TTBK1: variants seen among roughly 807,000 people sequenced by gnomAD.
TTBK1 encodes the protein tau-tubulin kinase 1.
Under a neutral mutation model 108.5 loss-of-function variants are expected in TTBK1, and 34 were observed. The observed-to-expected ratio is 0.31, with a 90% CI of 0.24 to 0.42. The LOEUF (loss-of-function observed/expected upper bound fraction) is 0.42. Ranked by LOEUF, TTBK1 falls within the 10% of genes least tolerant of loss-of-function variation. The pLI, the probability that TTBK1 is intolerant of heterozygous loss-of-function variation, is 1.00. For missense variants in TTBK1, 1,539 were observed against 1,826.0 expected (o/e 0.84, Z 2.86); for synonymous variants, 809 against 795.1 (o/e 1.02, Z -0.29).
In TTBK1 at chr6:43,263,277, C is replaced by T. The variant is rs1415537847; in HGVS notation, c.1913C>T (p.Pro638Leu). 1.3e-6 allele frequency: 2 copies of T among 1,530,346 alleles called. No homozygotes were observed. The highest frequency in any genetic ancestry group is 8.8e-7 in the Non-Finnish European group (1 of 1,136,136). The allele number at this position is 1,530,346 out of a possible 1,614,324, so 94.8% of individuals were successfully genotyped here. A position where few individuals can be genotyped will look rare whatever the true frequency, so the allele number is the denominator to read the frequency against. ...ETSQPPTPGS[P>L]SHSPLHSGPR... Reference sequence around the variant, plus strand: ...TCACAGCCCCCCACGCCTGGCAGCCCTTCCCACTCACCCCTGCACTCGGGA... The same window carrying T: ...TCACAGCCCCCCACGCCTGGCAGCCTTTCCCACTCACCCCTGCACTCGGGA... The change falls in exon 13 of 15, where the codon CCT (proline) becomes CTT (leucine). Residue 638 changes from proline (P) to leucine (L), a missense_variant. Pro to Leu is a moderately conservative substitution (Grantham distance 98). Around this residue, in one of 5 missense-constraint regions of TTBK1, gnomAD observed 1,055 missense variants for 1,086.5 expected, o/e 0.97. Transcript: ENST00000259750. This position sits in a 1 kb window ranked among gnomAD's most constrained non-coding sequence, Gnocchi z 4.7.
In TTBK1 at chr6:43,276,979, C is replaced by CCA; in HGVS notation, c.1987-5747_1987-5746dup. ...GGACTCTGGTCTCTGGGACTCAGCTCCAAATTGCCAACTTCCGGGTGGGGA... is the reference window on the plus strand; with the variant it reads ...GGACTCTGGTCTCTGGGACTCAGCTCCACAAATTGCCAACTTCCGGGTGGGGA... On this transcript the variant is annotated intron_variant, in intron 13 of 14. Transcript: ENST00000259750. This position sits in a 1 kb window ranked among gnomAD's most constrained non-coding sequence, Gnocchi z 5.4. Among the ~76,000 whole-genome samples the CCA allele has an allele frequency of 6.6e-6, 1 of 152,292 alleles. No individual in the cohort carries two copies. Among genetic ancestry groups the CCA allele is most frequent in the East Asian group, 1.9e-4 (1 of 5,180 alleles).
Position 43,269,583 on chromosome 6 carries a change from C to T in TTBK1, c.1986+6233C>T. On this transcript the variant is annotated intron_variant, in intron 13 of 14. Coordinates refer to ENST00000259750, the MANE Select transcript of TTBK1 (RefSeq NM_032538.3). The surrounding 1 kb of genome is among the most constrained non-coding windows in gnomAD (Gnocchi z 4.8). ...TGTGAGCGGTGGGTGGCCCCGGAGA[C>T]GGAGCTGTCGAGTCTGTGCCTGACA... The T allele has an allele frequency of 6.6e-7, 1 of 1,506,374 alleles. No homozygotes were observed. The highest frequency in any genetic ancestry group is 8.9e-7 in the Non-Finnish European group (1 of 1,124,828). 93.3% of individuals were successfully genotyped at this position (1,506,374 alleles called of 1,614,324 possible).
Position 43,283,023 on chromosome 6 carries a change from A to G in TTBK1, c.2283A>G (p.Glu761=), listed in dbSNP as rs149959476. The G allele has an allele frequency of 1.9e-5, 31 of 1,591,646 alleles. No individual in the cohort carries two copies. In the South Asian group the frequency reaches 2.4e-4, roughly 12 times the overall value. Residue 761 remains glutamate (E), a synonymous_variant, in exon 14 of 15, where the codon GAA becomes GAG. Coordinates refer to ENST00000259750, the MANE Select transcript of TTBK1 (RefSeq NM_032538.3). The surrounding 1 kb of genome is among the most constrained non-coding windows in gnomAD (Gnocchi z 8.1). ...AGGAGGAAGAGGAAGAGGAGGAGGA[A>G]GAAGAGGAGGAGGAGGAAGAGGAGG... is the stretch of plus-strand genomic sequence containing the variant. The part of the protein sequence containing the change: ...EEEEEEEEEE[E]EEEEEEEEEE...
At position 43,252,723 on chromosome 6, in the gene TTBK1, C is replaced by T. The variant is rs376755582; in HGVS notation, c.109-16C>T. The T allele has an allele frequency of 2.5e-6, 4 of 1,613,556 alleles. No homozygotes were observed. In the African/African-American group the frequency reaches 5.3e-5, roughly 22 times the overall value. On this transcript the variant is annotated splice_polypyrimidine_tract_variant and intron_variant, in intron 2 of 14. Transcript: ENST00000259750. ...AGCCTGATCCCTGAGCACCCCCTAT[C>T]CCCTCATCTTCATAGCTGAAAAAGA...
chr6:43,284,976 C>A lies in TTBK1; in HGVS notation c.3573-7C>A. ...CTTCTTTTCTCCTGCCTTCTGCTCT[C>A]AAGCAGGCTCCAGCTGCAGACGCCC... On this transcript the variant is annotated splice_region_variant and splice_polypyrimidine_tract_variant and intron_variant, in intron 14 of 14. Transcript: ENST00000259750. 1 of 1,512,336 alleles carries A rather than the reference C, an allele frequency of 6.6e-7. No homozygotes were observed. The highest frequency in any genetic ancestry group is 1.4e-5 in the African/African-American group (1 of 69,918). 93.7% of individuals were successfully genotyped at this position (1,512,336 alleles called of 1,614,324 possible).
chr6:43,275,962 C>T (rs1375983721), intron 13 of TTBK1, among the ~76,000 whole-genome samples: 1 of 152,176 alleles, frequency 6.6e-6, no homozygotes, highest in Non-Finnish European at 1.5e-5. Flanking sequence ...GCCCCTGCCC[C>T]CGGAGAAGCG....
chr6:43,279,656 G>A (rs565995797), intron 13 of TTBK1, among the ~76,000 whole-genome samples: 2 of 152,354 alleles, frequency 1.3e-5, no homozygotes, highest in South Asian at 2.1e-4. Context: ...TTGGTGCTTA[G>A]TGTTTGCTAA....
Position 43,263,088 on chromosome 6 carries a change from G to C in TTBK1, c.1724G>C (p.Arg575Pro), listed in dbSNP as rs1298786556. The change falls in exon 13 of 15, where the codon CGG becomes CCG. Residue 575 changes from arginine (R) to proline (P), a missense_variant. Arg to Pro is a moderately radical substitution (Grantham distance 103). Transcript: ENST00000259750. The surrounding 1 kb of genome is among the most constrained non-coding windows in gnomAD (Gnocchi z 4.7). ...ACGGATGAGGAGCCCGAGGAGCTGC[G>C]GCCACTGCCCGAGGAGGGCGAAGAG... is the stretch of plus-strand genomic sequence containing the variant. ...GTTDEEPEEL[R>P]PLPEEGEERR... 1 of 1,572,000 alleles carries C rather than the reference G, an allele frequency of 6.4e-7. No individual in the cohort carries two copies. The highest frequency in any genetic ancestry group is 1.9e-5 in the Admixed American group (1 of 52,966).
intron 2 of TTBK1, among the ~76,000 whole-genome samples, chr6:43,249,263 G>A (rs1290805186): frequency 6.6e-6 from 1 of 152,034 alleles, no homozygotes; most frequent in East Asian, 1.9e-4. Flanking sequence ...CAAGAAACCA[G>A]GTCTCCTTCC....
chr6:43,252,707 C>T (rs1466814644), intron 2 of TTBK1, 32 bp from the exon 3 acceptor site: 2 of 1,612,718 alleles, frequency 1.2e-6, no homozygotes, highest in South Asian at 2.2e-5. Context: ...CAGCCTGATC[C>T]CTGAGCACCC....
rs777839405 is a variant in TTBK1 at position 43,283,352 on chromosome 6, G to A, written c.2612G>A (p.Arg871Gln). ...TLAALTPQHERPQPTGSQLDV... is the reference protein window; with the variant it reads ...TLAALTPQHEQPQPTGSQLDV... ...GCTGCCCTCACTCCTCAGCATGAGCGGCCCCAGCCCACGGGCAGCCAGCTG... is the reference window on the plus strand; with the variant it reads ...GCTGCCCTCACTCCTCAGCATGAGCAGCCCCAGCCCACGGGCAGCCAGCTG... The change falls in exon 14 of 15, where the codon CGG (arginine) becomes CAG (glutamine). Residue 871 changes from arginine to glutamine, a missense_variant. Physicochemically the swap from Arg to Gln is conservative, Grantham distance 43. This residue lies in a region of TTBK1 where 1,055 missense variants were observed against 1,086.5 expected (regional missense o/e 0.97). Coordinates refer to ENST00000259750, the MANE Select transcript of TTBK1 (RefSeq NM_032538.3). This position sits in a 1 kb window ranked among gnomAD's most constrained non-coding sequence, Gnocchi z 8.1. 5.6e-6 allele frequency: 9 copies of A among 1,593,386 alleles called. No homozygotes were observed. The highest frequency in any genetic ancestry group is 4.6e-5 in the East Asian group (2 of 43,636).
At chr6:43,284,369 G>GGAGGGGCTTCTCCAGAAACAAGGT in intron 14 of TTBK1, 57 bp downstream of exon 14, 1 of 1,479,750 alleles carries the variant, frequency 6.8e-7, no homozygotes, top group Non-Finnish European at 8.9e-7. Flanking sequence ...GCCTCCACCA[G>GGAGGGGCTTCTCCAGAAACAAGGT]GAGGGGCTTC....
chr6:43,258,124 C>T (rs760503235), intron 10 of TTBK1, among the ~76,000 whole-genome samples, 158 bp downstream of exon 10: 3 of 152,150 alleles, frequency 2.0e-5, no homozygotes, highest in Non-Finnish European at 2.9e-5. Flanking sequence ...GCCACATCTC[C>T]ACCCTCAATC....
Position 43,261,568 on chromosome 6 carries a change from A to G in TTBK1, c.1425-1221A>G, listed in dbSNP as rs147362933. ...AGTGGCTCGCGTCTGTAATCCCAGC[A>G]CTTTGGGAGGCCAAGGTGGGTGGAT... On this transcript the variant is annotated intron_variant, in intron 12 of 14. Transcript: ENST00000259750. 6.4e-3 allele frequency among the ~76,000 whole-genome samples: 982 copies of G among 152,264 alleles called. 9 individuals are homozygous for G. The highest frequency in any genetic ancestry group is 0.022 in the African/African-American group (931 of 41,552).
chr6:43,268,107 T>C (rs1777731182), intron 13 of TTBK1, among the ~76,000 whole-genome samples: 1 of 152,194 alleles, frequency 6.6e-6, no homozygotes, highest in Admixed American at 6.5e-5. Context: ...TGAAGACAAG[T>C]AGGTGGCCAC....
At position 43,255,575 on chromosome 6, in the gene TTBK1, G is replaced by A. The variant is rs762184817; in HGVS notation, c.666G>A (p.Leu222=). The part of the protein sequence containing the change: ...KNREMGRHDD[L]WSLFYMLVEF... ...AGGAGATGGGCCGCCACGACGACCT[G>A]TGGTCCCTCTTCTACATGCTGGTGG... is the stretch of plus-strand genomic sequence containing the variant. The change falls in exon 8 of 15, where the codon CTG becomes CTA. Residue 222 remains leucine, a synonymous_variant. Transcript: ENST00000259750. The A allele has an allele frequency of 1.3e-5, 21 of 1,612,736 alleles. No individual in the cohort carries two copies. The highest frequency in any genetic ancestry group is 1.7e-4 in the Middle Eastern group (1 of 6,044).
At position 43,255,640 on chromosome 6, in the gene TTBK1, A is replaced by T. The variant is rs1465897341; in HGVS notation, c.731A>T (p.Asp244Val). The change falls in exon 8 of 15, where the codon GAC (aspartate) becomes GTC (valine). Residue 244 changes from aspartate to valine, a missense_variant. Physicochemically the swap from Asp to Val is radical, Grantham distance 152. This residue lies in a region of TTBK1 where 155 missense variants were observed against 348.5 expected (regional missense o/e 0.44). Coordinates refer to ENST00000259750, the MANE Select transcript of TTBK1 (RefSeq NM_032538.3). ...CAGCTGCCCTGGAGGAAGATCAAGG[A>T]CAAGGTGAGCCCCAGGCAGCTGGGT... ...VGQLPWRKIKDKEQVGMIKEK... is the reference protein window; with the variant it reads ...VGQLPWRKIKVKEQVGMIKEK... 1 of 1,614,130 alleles carries T rather than the reference A, an allele frequency of 6.2e-7. No homozygotes were observed. The highest frequency in any genetic ancestry group is 8.5e-7 in the Non-Finnish European group (1 of 1,179,996).
At chr6:43,279,335 C>T (rs1414517781) in intron 13 of TTBK1, among the ~76,000 whole-genome samples, 2 of 152,100 alleles carry the variant, frequency 1.3e-5, no homozygotes, top group Non-Finnish European at 2.9e-5. Context: ...AACCAAGGTG[C>T]CAGGGATTAG....
chr6:43,254,406 G>A (rs948364852), intron 5 of TTBK1, 141 bp from the exon 6 acceptor site: 10 of 574,738 alleles, frequency 1.7e-5, no homozygotes, highest in African/African-American at 3.9e-5. Flanking sequence ...ATGCACACAT[G>A]TGAATACTGA....
Sources: gnomAD v4.1 joint callset for allele counts (sites outside exome capture counted in the v4.1 genomes callset) on GRCh38, gnomAD v4.1.1 for gene constraint, gnomAD v4.1.1 regional missense constraint, Gnocchi (gnomAD v3.1) non-coding constraint, MANE v1.5 for transcripts, NCBI Gene and HGNC (gene_info 2026-07-23, HGNC 2026-07-21) for gene names.